The following SRPK2 variants were observed in gnomAD, a reference collection of about 807,000 sequenced individuals.
SRPK2 encodes SFRS protein kinase 2.
Under a neutral mutation model 90.8 loss-of-function variants are expected in SRPK2, and 21 were observed. The ratio of observed to expected loss-of-function variants is 0.23; its 90% confidence interval spans 0.16 to 0.33. The LOEUF (loss-of-function observed/expected upper bound fraction) is 0.33. SRPK2 is among the 10% of genes least tolerant of loss of function. The pLI, the probability that SRPK2 is intolerant of heterozygous loss-of-function variation, is 1.00. For missense variants in SRPK2, 620 were observed against 869.0 expected (o/e 0.71, Z 3.60); for synonymous variants, 288 against 311.1 (o/e 0.93, Z 0.78).
At chr7:105,296,338 A>G (rs1385322667) in intron 2 of SRPK2, among the ~76,000 whole-genome samples, 1 of 152,202 alleles carries the variant, frequency 6.6e-6, no homozygotes, top group Non-Finnish European at 1.5e-5. Flanking sequence ...AACTTTTCTG[A>G]ATCTTGGCCT....
At chr7:105,280,524 C>A (rs918286656) in intron 2 of SRPK2, among the ~76,000 whole-genome samples, 3 of 151,736 alleles carry the variant, frequency 2.0e-5, no homozygotes, top group Non-Finnish European at 4.4e-5. Flanking sequence ...CAATGAATGC[C>A]TGATTTCTAA....
intron 2 of SRPK2, among the ~76,000 whole-genome samples, chr7:105,259,767 C>G (rs1373273099): frequency 2.0e-5 from 3 of 152,116 alleles, no homozygotes; most frequent in African/African-American, 7.2e-5. Context: ...ACAAACCTGA[C>G]AAAAACAAGC....
chr7:105,211,096 G>C (rs1281067764), intron 2 of SRPK2, among the ~76,000 whole-genome samples: 1 of 152,198 alleles, frequency 6.6e-6, no homozygotes, highest in Non-Finnish European at 1.5e-5. Context: ...CTACAAAACT[G>C]TGAGTTAATA....
chr7:105,211,336 T>C (rs1796832532), intron 2 of SRPK2, among the ~76,000 whole-genome samples: 1 of 152,146 alleles, frequency 6.6e-6, no homozygotes, highest in Non-Finnish European at 1.5e-5. Context: ...TAGGAGTATC[T>C]TATTCCCTGA....
intron 2 of SRPK2, among the ~76,000 whole-genome samples, chr7:105,207,049 C>A (rs1796311739): frequency 6.6e-6 from 1 of 152,242 alleles, no homozygotes; most frequent in Non-Finnish European, 1.5e-5. Flanking sequence ...ATCCTTGTTA[C>A]TGTCTACCAC....
rs549502527 is a variant in SRPK2, at chr7:105,204,610, C to T, written c.72-825G>A. The stretch of plus-strand genomic sequence containing the variant: ...ATGCGTGCGCTGAAGATGACGGCTG[C>T]TGTGGAAAGGTTGCTCTGAGGGTCA... On this transcript the variant is annotated intron_variant, in intron 2 of 15. Transcript: ENST00000393651. 7.6e-4 allele frequency: 458 copies of T among 605,648 alleles called. 8 individuals are homozygous for T. The highest frequency in any genetic ancestry group is 6.8e-3 in the South Asian group (438 of 64,474). The allele number at this position is 605,648 out of a possible 1,614,324, so 37.5% of individuals were successfully genotyped here.
At position 105,143,214 on chromosome 7, in the gene SRPK2, C is replaced by T; in HGVS notation, c.930G>A (p.Arg310=). The T allele has an allele frequency of 6.2e-7, 1 of 1,614,218 alleles. No homozygotes were observed. Among genetic ancestry groups the T allele is most frequent in the Non-Finnish European group, 8.5e-7 (1 of 1,180,034 alleles). The change falls in exon 10 of 16, where the codon AGG becomes AGA. Residue 310 remains arginine, a synonymous_variant. Transcript: ENST00000393651. ...AGGTGATGTTTTCTTCTATTATTTTCCTTTCAGCTTCTCGCTCCAATTCTT... is the reference window on the plus strand; with the variant it reads ...AGGTGATGTTTTCTTCTATTATTTTTCTTTCAGCTTCTCGCTCCAATTCTT... ...EIEELEREAE[R]KIIEENITSA... is the part of the protein sequence containing the mutation.
chr7:105,280,840 A>G (rs1807198149), intron 2 of SRPK2, among the ~76,000 whole-genome samples: 1 of 148,332 alleles, frequency 6.7e-6, no homozygotes, highest in Admixed American at 6.8e-5. Context: ...CCAGCTACTC[A>G]GGAGGCTGAC....
chr7:105,264,961 C>A (rs1003667696), intron 2 of SRPK2, among the ~76,000 whole-genome samples: 2 of 152,114 alleles, frequency 1.3e-5, no homozygotes, highest in Admixed American at 1.3e-4. Context: ...AAGAATTGTA[C>A]AATTTTGTTA....
chr7:105,242,240 A>G (rs1030542280), intron 2 of SRPK2, among the ~76,000 whole-genome samples: 4 of 152,146 alleles, frequency 2.6e-5, no homozygotes, highest in Non-Finnish European at 5.9e-5. Flanking sequence ...GGCAGGGTGC[A>G]GTGGCTCATG....
chr7:105,149,270 A>G lies in SRPK2; in HGVS notation c.622-2612T>C, dbSNP rs547934204. On this transcript the variant is annotated intron_variant, in intron 7 of 15. Transcript: ENST00000393651. The stretch of plus-strand genomic sequence containing the variant: ...ATGGTGGGAGGTGAGACATGTTTGC[A>G]GTAATGCTGCCTTGTTATTCTTTAC... Among the ~76,000 whole-genome samples the G allele has an allele frequency of 2.4e-4, 36 of 152,342 alleles. No homozygotes were observed. In the East Asian group the frequency reaches 6.7e-3, roughly 29 times the overall value.
chr7:105,150,100 G>A (rs989568156), intron 7 of SRPK2, among the ~76,000 whole-genome samples: 2 of 151,894 alleles, frequency 1.3e-5, no homozygotes, highest in Non-Finnish European at 2.9e-5. Context: ...GATTTAATAA[G>A]ATACTGACAA....
chr7:105,390,997 C>A (rs941234554), upstream of SRPK2, among the ~76,000 whole-genome samples: 1 of 152,072 alleles, frequency 6.6e-6, no homozygotes, highest in South Asian at 2.1e-4. Context: ...GATACAGGTA[C>A]CTTTTCCCTC....
At chr7:105,338,216 T>C (rs184961213) in intron 2 of SRPK2, among the ~76,000 whole-genome samples, 1 of 152,310 alleles carries the variant, frequency 6.6e-6, no homozygotes, top group East Asian at 1.9e-4. Context: ...CATCTTTAAA[T>C]AAATTTAGTA....
At chr7:105,367,477 G>C (rs1201911987) in intron 2 of SRPK2, among the ~76,000 whole-genome samples, 3 of 151,798 alleles carry the variant, frequency 2.0e-5, no homozygotes, top group African/African-American at 7.3e-5. Flanking sequence ...TGCCCAGGCT[G>C]GTCTCCAACT....
chr7:105,140,342 C>T (rs1803526441), intron 11 of SRPK2, among the ~76,000 whole-genome samples: 1 of 152,060 alleles, frequency 6.6e-6, no homozygotes, highest in Non-Finnish European at 1.5e-5. Flanking sequence ...GGCTCAGGCT[C>T]GTAATCCCAG....
chr7:105,126,354 A>G lies in SRPK2; in HGVS notation c.1823-14T>C. The G allele has an allele frequency of 6.3e-7, 1 of 1,591,100 alleles. No homozygotes were observed. The highest frequency in any genetic ancestry group is 8.6e-7 in the Non-Finnish European group (1 of 1,160,972). Reference sequence around the variant, plus strand: ...GGGCTATGTGGTCTATGGAGGAGAGAAAAAAAGGATATGGGAATGGGAGGG... The same window carrying G: ...GGGCTATGTGGTCTATGGAGGAGAGGAAAAAAGGATATGGGAATGGGAGGG... On this transcript the variant is annotated splice_polypyrimidine_tract_variant and intron_variant, in intron 14 of 15. Transcript: ENST00000393651.
chr7:105,254,298 A>T (rs950943877), intron 2 of SRPK2, among the ~76,000 whole-genome samples: 8 of 152,248 alleles, frequency 5.3e-5, no homozygotes, highest in Non-Finnish European at 1.2e-4. Context: ...CATCTATACG[A>T]CATTCAGAAA....
At chr7:105,144,610 T>A (rs1180994655) in intron 9 of SRPK2, among the ~76,000 whole-genome samples, 2 of 152,104 alleles carry the variant, frequency 1.3e-5, no homozygotes, top group Non-Finnish European at 2.9e-5. Flanking sequence ...AACATCCGCA[T>A]GGAAAAAATT....
Sources: gnomAD v4.1 joint callset for allele counts (sites outside exome capture counted in the v4.1 genomes callset) on GRCh38, gnomAD v4.1.1 for gene constraint, MANE v1.5 for transcripts, NCBI Gene and HGNC (gene_info 2026-07-23, HGNC 2026-07-21) for gene names.